Variants in ATP2B2 observed in about 807,000 individuals in gnomAD.
ATP2B2 encodes plasma membrane calcium-transporting ATPase 2.
ATP2B2 carries 15 observed loss-of-function variants against 120.0 expected under a neutral mutation model. That is an observed-to-expected ratio of 0.12 (90% CI 0.08 to 0.19). The LOEUF (loss-of-function observed/expected upper bound fraction) is 0.19, where lower values mean the gene tolerates loss of function less well. Among genes scored for constraint, ATP2B2 ranks in the 10% least tolerant of loss-of-function variants. The pLI is 1.00. For synonymous variants in ATP2B2, 694 were observed against 700.3 expected (o/e 0.99, Z 0.14); for missense variants, 1,045 against 1,719.8 (o/e 0.61, Z 6.94).
At chr3:10,649,613 G>A (rs1259881084) in intron 1 of ATP2B2, among the ~76,000 whole-genome samples, 1 of 152,224 alleles carries the variant, frequency 6.6e-6, no homozygotes, top group Non-Finnish European at 1.5e-5. Flanking sequence ...TGAGATGGAT[G>A]GGTGAATGGA....
intron 1 of ATP2B2, among the ~76,000 whole-genome samples, chr3:10,663,848 C>A (rs924048048): frequency 2.6e-5 from 4 of 152,184 alleles, no homozygotes; most frequent in African/African-American, 9.7e-5. Flanking sequence ...ACACCCATCT[C>A]TTTCAGAAGA....
chr3:10,450,691 T>A (rs146551645), intron 1 of ATP2B2, among the ~76,000 whole-genome samples: 1 of 152,292 alleles, frequency 6.6e-6, no homozygotes, highest in East Asian at 1.9e-4. Context: ...GGGGTCCCTA[T>A]GGACCAGCAC....
chr3:10,589,205 C>T (rs2068585129), intron 2 of ATP2B2, among the ~76,000 whole-genome samples: 1 of 152,182 alleles, frequency 6.6e-6, no homozygotes, highest in South Asian at 2.1e-4. Context: ...ATTTGCCCAT[C>T]CCCACTCTAG....
intron 5 of ATP2B2, among the ~76,000 whole-genome samples, chr3:10,391,456 T>C (rs567284151): frequency 3.5e-4 from 54 of 152,252 alleles, no homozygotes; most frequent in South Asian, 1.2e-3. Flanking sequence ...CAAGACAGGA[T>C]GGAAAAAGAT....
chr3:10,572,134 T>C (rs954513112), intron 2 of ATP2B2, among the ~76,000 whole-genome samples: 2 of 152,214 alleles, frequency 1.3e-5, no homozygotes, highest in Non-Finnish European at 2.9e-5. Flanking sequence ...AACTTGTTGG[T>C]TGCAGGCGGA....
In ATP2B2 at chr3:10,346,043, C is replaced by T. The variant is rs1337931567; in HGVS notation, c.2499G>A (p.Val833=). Residue 833 remains valine, a synonymous_variant, in exon 17 of 23, where the codon GTG becomes GTA. Coordinates refer to ENST00000360273, the MANE Select transcript of ATP2B2 (RefSeq NM_001001331.4). This position sits in a 1 kb window ranked among gnomAD's most constrained non-coding sequence, Gnocchi z 4.1. ...NDGPALKKAD[V]GFAMGIAGTD... ...GGGCCGTTCCTACCATGGCGAAGCCCACGTCGGCCTTCTTGAGTGCAGGCC... is the reference window on the plus strand; with the variant it reads ...GGGCCGTTCCTACCATGGCGAAGCCTACGTCGGCCTTCTTGAGTGCAGGCC... The T allele has an allele frequency of 3.7e-6, 6 of 1,611,812 alleles. No homozygotes were observed. Among genetic ancestry groups the T allele is most frequent in the Non-Finnish European group, 4.2e-6 (5 of 1,179,960 alleles).
intron 2 of ATP2B2, among the ~76,000 whole-genome samples, chr3:10,555,592 C>T (rs1050816822): frequency 2.0e-5 from 3 of 152,246 alleles, no homozygotes; most frequent in Admixed American, 6.5e-5. Flanking sequence ...AATGCTCCAA[C>T]ACATCTCTGG....
chr3:10,648,435 C>T (rs764523291), intron 1 of ATP2B2, among the ~76,000 whole-genome samples: 7 of 152,230 alleles, frequency 4.6e-5, no homozygotes, highest in Non-Finnish European at 1.0e-4. Flanking sequence ...AGGCTTGGGC[C>T]TAGGCTTCCC....
intron 2 of ATP2B2, among the ~76,000 whole-genome samples, chr3:10,564,911 TTAGA>T (rs1329430595): frequency 6.6e-6 from 1 of 152,214 alleles, no homozygotes; most frequent in Non-Finnish European, 1.5e-5. Context: ...ACACGGCTGC[TTAGA>T]TAGACCACAT....
chr3:10,602,993 C>A (rs1439547021), intron 2 of ATP2B2, among the ~76,000 whole-genome samples: 1 of 152,214 alleles, frequency 6.6e-6, no homozygotes, highest in Non-Finnish European at 1.5e-5. Flanking sequence ...CTCCCACATC[C>A]CCTCTGTTCT....
chr3:10,553,150 T>C (rs562728326), intron 2 of ATP2B2, among the ~76,000 whole-genome samples: 7 of 152,336 alleles, frequency 4.6e-5, no homozygotes, highest in South Asian at 4.1e-4. Flanking sequence ...CGGAATTCTA[T>C]GGAGTATTAT....
chr3:10,512,464 GCACA>G (rs6147706), intron 3 of ATP2B2, among the ~76,000 whole-genome samples: 8,014 of 136,500 alleles, frequency 0.059, 293 homozygotes, highest in East Asian at 0.11. Context: ...AAGTGTGTGC[GCACA>G]CACACACACA....
chr3:10,686,653 CA>C (rs796777529), intron 1 of ATP2B2, among the ~76,000 whole-genome samples: 243 of 139,946 alleles, frequency 1.7e-3, no homozygotes, highest in Non-Finnish European at 1.3e-3. Context: ...GACTCCATCT[CA>C]AAAAAAAAAA....
chr3:10,687,526 TG>T (rs1365100123), intron 1 of ATP2B2, among the ~76,000 whole-genome samples: 2 of 151,908 alleles, frequency 1.3e-5, no homozygotes, highest in African/African-American at 4.8e-5. Context: ...CAAATTTTAG[TG>T]GGAAAACAAA....
intron 13 of ATP2B2, 111 bp from the exon 14 acceptor site, chr3:10,359,036 GTGC>G (rs2060821047): frequency 1.9e-6 from 2 of 1,041,214 alleles, no homozygotes; most frequent in Non-Finnish European, 2.8e-6. Context: ...TGGTCATCCA[GTGC>G]CCATCTAGTT....
At chr3:10,470,119 G>T (rs971119422) in intron 1 of ATP2B2, among the ~76,000 whole-genome samples, 1 of 152,138 alleles carries the variant, frequency 6.6e-6, no homozygotes, top group African/African-American at 2.4e-5. Context: ...ATCACTTGAA[G>T]TGACCCAGGG....
intron 1 of ATP2B2, among the ~76,000 whole-genome samples, chr3:10,468,255 G>T (rs1006685023): frequency 6.6e-6 from 1 of 152,256 alleles, no homozygotes; most frequent in East Asian, 1.9e-4. Flanking sequence ...TCCTGGTGGG[G>T]CTGACAGGTG....
chr3:10,521,081 G>A (rs2066976178), intron 3 of ATP2B2, among the ~76,000 whole-genome samples: 1 of 152,244 alleles, frequency 6.6e-6, no homozygotes, highest in Non-Finnish European at 1.5e-5. Flanking sequence ...ATATTAGCCA[G>A]ACATTGGACA....
At chr3:10,468,450 G>T (rs1048043631) in intron 1 of ATP2B2, among the ~76,000 whole-genome samples, 11 of 152,240 alleles carry the variant, frequency 7.2e-5, no homozygotes, top group Non-Finnish European at 1.3e-4. Flanking sequence ...GAGGGCTGGC[G>T]GCTACCCAAT....
Sources: gnomAD v4.1 joint callset for allele counts (sites outside exome capture counted in the v4.1 genomes callset) on GRCh38, gnomAD v4.1.1 for gene constraint, Gnocchi (gnomAD v3.1) non-coding constraint, MANE v1.5 for transcripts, NCBI Gene and HGNC (gene_info 2026-07-23, HGNC 2026-07-21) for gene names.